CRYBG1: variants seen among roughly 807,000 people sequenced by gnomAD.
CRYBG1 encodes crystallin beta-gamma domain containing 1, also known as beta/gamma crystallin domain-containing protein 1.
A neutral mutation model predicts 189.2 loss-of-function variants in CRYBG1; 139 were observed. The ratio of observed to expected loss-of-function variants is 0.73; its 90% confidence interval spans 0.64 to 0.85. The LOEUF (loss-of-function observed/expected upper bound fraction) is 0.85. CRYBG1 is among the 40% of genes least tolerant of loss of function. CRYBG1 has a pLI of 0.00. For missense variants in CRYBG1, 2,611 were observed against 2,675.8 expected, an observed-to-expected ratio of 0.98 and a Z score of 0.53; for synonymous variants, 1,023 against 1,017.1, an observed-to-expected ratio of 1.01 and a Z score of -0.11.
intron 1 of CRYBG1, among the ~76,000 whole-genome samples, chr6:106,363,120 T>G (rs1191344614): frequency 6.6e-6 from 1 of 150,412 alleles, no homozygotes; most frequent in East Asian, 2.0e-4. Flanking sequence ...GGCGCGCGCC[T>G]GTAGTCCCAG....
In CRYBG1 at chr6:106,451,530, G is replaced by A. The variant is rs1771780960; in HGVS notation, c.174-164G>A. Reference sequence around the variant, plus strand: ...CCAGGTTTATTTATAAATGTGCTATGAGAGCGCCAAATTATCTACAACGCC... The same window carrying A: ...CCAGGTTTATTTATAAATGTGCTATAAGAGCGCCAAATTATCTACAACGCC... On this transcript the variant is annotated intron_variant, in intron 1 of 21. Coordinates refer to ENST00000633556, the MANE Select transcript of CRYBG1 (RefSeq NM_001371242.2). 2 of 614,146 alleles carry A rather than the reference G, an allele frequency of 3.3e-6. 1 individual carries two copies. The highest frequency in any genetic ancestry group is 6.1e-5 in the South Asian group (2 of 32,840). The allele number at this position is 614,146 out of a possible 1,614,324, so 38.0% of individuals were successfully genotyped here.
chr6:106,429,719 C>T (rs1444190150), intron 1 of CRYBG1, among the ~76,000 whole-genome samples: 2 of 152,204 alleles, frequency 1.3e-5, no homozygotes, highest in African/African-American at 4.8e-5. Context: ...CATTACTTAA[C>T]CTCTTTTAGT....
intron 2 of CRYBG1, among the ~76,000 whole-genome samples, chr6:106,472,502 A>T (rs1356526018): frequency 1.3e-5 from 2 of 150,556 alleles, no homozygotes; most frequent in Non-Finnish European, 3.0e-5. Flanking sequence ...CAGTACACTA[A>T]ACATTTTTTA....
At chr6:106,536,776 T>C (rs943209865) in intron 8 of CRYBG1, among the ~76,000 whole-genome samples, 1 of 152,240 alleles carries the variant, frequency 6.6e-6, no homozygotes, top group African/African-American at 2.4e-5. Context: ...TACTTTTTAA[T>C]CTATATTGGC....
intron 4 of CRYBG1, among the ~76,000 whole-genome samples, chr6:106,523,934 G>A (rs900530211): frequency 3.5e-4 from 53 of 152,050 alleles, no homozygotes; most frequent in African/African-American, 1.3e-3. Flanking sequence ...GTTTTGCCAT[G>A]TTGGCCAGGC....
intron 2 of CRYBG1, among the ~76,000 whole-genome samples, chr6:106,460,948 A>C (rs955482759): frequency 3.3e-5 from 5 of 152,030 alleles, no homozygotes; most frequent in Admixed American, 2.6e-4. Context: ...CACCATGCCC[A>C]GCTAATTTTT....
intron 2 of CRYBG1, among the ~76,000 whole-genome samples, chr6:106,501,462 A>G (rs1475418733): frequency 1.3e-5 from 2 of 152,024 alleles, no homozygotes; most frequent in African/African-American, 4.8e-5. Flanking sequence ...TAAAGCTGTT[A>G]TTTTCATCTC....
intron 2 of CRYBG1, among the ~76,000 whole-genome samples, chr6:106,463,579 T>C (rs889693428): frequency 3.3e-5 from 5 of 152,246 alleles, no homozygotes; most frequent in East Asian, 1.9e-4. Flanking sequence ...TGTATAGATA[T>C]GTGTGTGTAT....
At chr6:106,479,818 CT>C (rs1772406517) in intron 2 of CRYBG1, among the ~76,000 whole-genome samples, 1 of 152,180 alleles carries the variant, frequency 6.6e-6, no homozygotes, top group African/African-American at 2.4e-5. Context: ...TGCTAGACCC[CT>C]ATCAGATATA....
chr6:106,464,270 G>A (rs193162018), intron 2 of CRYBG1, among the ~76,000 whole-genome samples: 10 of 152,212 alleles, frequency 6.6e-5, no homozygotes, highest in East Asian at 1.9e-4. Flanking sequence ...CAAGGCGGGC[G>A]GATCACAAGG....
intron 2 of CRYBG1, among the ~76,000 whole-genome samples, chr6:106,477,579 A>G (rs1772357419): frequency 6.6e-6 from 1 of 152,196 alleles, no homozygotes; most frequent in South Asian, 2.1e-4. Context: ...ATTTCAAATT[A>G]AACTTCATGT....
chr6:106,422,338 T>TTATTTATTTATTTATG (rs998311743), intron 1 of CRYBG1, among the ~76,000 whole-genome samples: 1 of 123,302 alleles, frequency 8.1e-6, no homozygotes, highest in African/African-American at 3.0e-5. Context: ...ATTTATTTAT[T>TTATTTATTTATTTATG]TATTTATTTT....
At chr6:106,527,592 A>G in intron 7 of CRYBG1, 122 bp downstream of exon 7, 12 of 990,330 alleles carry the variant, frequency 1.2e-5, no homozygotes, top group Non-Finnish European at 1.8e-5. Flanking sequence ...TTATGGATAT[A>G]TTTTCTGTAT....
intron 1 of CRYBG1, among the ~76,000 whole-genome samples, chr6:106,435,683 C>T (rs1771440785): frequency 6.6e-6 from 1 of 151,956 alleles, no homozygotes; most frequent in Non-Finnish European, 1.5e-5. Flanking sequence ...CCCACTGCAA[C>T]CTCCACCTCC....
intron 1 of CRYBG1, 65 bp from the exon 2 acceptor site, chr6:106,451,629 G>T: frequency 7.3e-7 from 1 of 1,375,062 alleles, no homozygotes; most frequent in East Asian, 2.7e-5. Context: ...ATATGCCTTT[G>T]GGTTTCTTGA....
chr6:106,503,487 T>C (rs865910433), intron 2 of CRYBG1, among the ~76,000 whole-genome samples: 3 of 152,350 alleles, frequency 2.0e-5, no homozygotes, highest in African/African-American at 7.2e-5. Context: ...ATTTTTCTAA[T>C]GATACATTAT....
intron 2 of CRYBG1, among the ~76,000 whole-genome samples, chr6:106,463,239 GA>G (rs59862615): frequency 0.017 from 2,381 of 139,186 alleles, 49 homozygotes; most frequent in African/African-American, 0.055. Context: ...AGGCAGGAAA[GA>G]AAAAAAAAAA....
At chr6:106,367,605 AT>A (rs1381508537) in intron 1 of CRYBG1, among the ~76,000 whole-genome samples, 1 of 150,490 alleles carries the variant, frequency 6.6e-6, no homozygotes, top group Non-Finnish European at 1.5e-5. Context: ...AAAAAAAAAA[AT>A]CAAATACATA....
At chr6:106,364,867 A>G (rs1297075651) in intron 1 of CRYBG1, among the ~76,000 whole-genome samples, 1 of 152,244 alleles carries the variant, frequency 6.6e-6, no homozygotes, top group African/African-American at 2.4e-5. Context: ...CAATTTTCTC[A>G]TTCACAAAAT....
Sources: gnomAD v4.1 joint callset for allele counts (sites outside exome capture counted in the v4.1 genomes callset) on GRCh38, gnomAD v4.1.1 for gene constraint, MANE v1.5 for transcripts, NCBI Gene and HGNC (gene_info 2026-07-23, HGNC 2026-07-21) for gene names.